ABHD3: variants seen among roughly 807,000 people sequenced by gnomAD.
The protein encoded by ABHD3 is abhydrolase domain containing 3, phospholipase.
Under a neutral mutation model 48.8 loss-of-function variants are expected in ABHD3, and 46 were observed. The observed-to-expected ratio is 0.94, with a 90% CI of 0.74 to 1.20. ABHD3 has a LOEUF of 1.20. Ranked by LOEUF, ABHD3 falls within the 50% of genes most tolerant of loss-of-function variation. The pLI is 0.00. For synonymous variants in ABHD3, 192 were observed against 183.7 expected (o/e 1.04, Z -0.36); for missense variants, 490 against 497.8 (o/e 0.98, Z 0.15).
chr18:21,693,446 C>T (rs2040297619), intron 3 of ABHD3, among the ~76,000 whole-genome samples: 1 of 152,144 alleles, frequency 6.6e-6, no homozygotes, highest in South Asian at 2.1e-4. Flanking sequence ...ACTTCACTGC[C>T]CAGCACTACC....
chr18:21,685,858 C>T (rs183678145), intron 3 of ABHD3, among the ~76,000 whole-genome samples: 54 of 152,280 alleles, frequency 3.5e-4, no homozygotes, highest in African/African-American at 1.1e-3. Flanking sequence ...CCACCACGCC[C>T]GGCTAATTTT....
intron 5 of ABHD3, chr18:21,663,625 T>A: frequency 1.3e-6 from 2 of 1,515,934 alleles, no homozygotes; most frequent in Non-Finnish European, 1.8e-6. Flanking sequence ...AGGAGAGCAC[T>A]CCACAGTAGT....
chr18:21,651,733 G>A lies in ABHD3; in HGVS notation c.1088C>T (p.Pro363Leu). The change falls in exon 9 of 9, where the codon CCT (proline) becomes CTT (leucine). Residue 363 changes from proline (P) to leucine (L), a missense_variant. Physicochemically the swap from Pro to Leu is moderately conservative, Grantham distance 98. Transcript: ENST00000289119. ...AGAAGTAAGGACCAAAGCAACATTAGGATTTTGCTTAGCAGTTTCTATTGG... is the reference window on the plus strand; with the variant it reads ...AGAAGTAAGGACCAAAGCAACATTAAGATTTTGCTTAGCAGTTTCTATTGG... ...AIPIETAKQN[P>L]NVALVLTSYG... The A allele has an allele frequency of 3.1e-6, 5 of 1,587,758 alleles. No individual in the cohort carries two copies. The highest frequency in any genetic ancestry group is 4.3e-6 in the Non-Finnish European group (5 of 1,166,078).
At chr18:21,675,218 C>T (rs1439260694) in intron 4 of ABHD3, among the ~76,000 whole-genome samples, 1 of 150,626 alleles carries the variant, frequency 6.6e-6, no homozygotes, top group African/African-American at 2.4e-5. Flanking sequence ...TTCTGATTGT[C>T]ACCCCACTTC....
chr18:21,680,021 T>C (rs1010742298), intron 4 of ABHD3, among the ~76,000 whole-genome samples: 5 of 151,706 alleles, frequency 3.3e-5, no homozygotes, highest in Non-Finnish European at 5.9e-5. Context: ...TATTTCTTTT[T>C]GTTTGTTTTT....
intron 4 of ABHD3, among the ~76,000 whole-genome samples, chr18:21,675,711 G>A (rs1234446435): frequency 2.0e-5 from 3 of 151,860 alleles, no homozygotes; most frequent in African/African-American, 4.8e-5. Flanking sequence ...TTGCGATGAG[G>A]GAAAAAAAGT....
intron 3 of ABHD3, among the ~76,000 whole-genome samples, chr18:21,688,910 A>C (rs1568158407): frequency 6.6e-6 from 1 of 152,248 alleles, no homozygotes; most frequent in Non-Finnish European, 1.5e-5. Context: ...ACGGACAGTA[A>C]CAATAGAAAA....
At chr18:21,692,705 C>T (rs927348137) in intron 3 of ABHD3, among the ~76,000 whole-genome samples, 3 of 152,172 alleles carry the variant, frequency 2.0e-5, no homozygotes, top group African/African-American at 7.2e-5. Flanking sequence ...TTATTGCAGT[C>T]GTTTCCCTTC....
intron 8 of ABHD3, among the ~76,000 whole-genome samples, chr18:21,653,671 G>GAGGCTAGGAGTTTGAGACTAGCCT (rs1291737746): frequency 2.7e-5 from 4 of 150,482 alleles, no homozygotes; most frequent in African/African-American, 9.8e-5. Flanking sequence ...GGGATCTCTT[G>GAGGCTAGGAGTTTGAGACTAGCCT]AGGCTAGGAG....
intron 4 of ABHD3, among the ~76,000 whole-genome samples, chr18:21,668,706 G>A (rs568815800): frequency 6.6e-6 from 1 of 152,178 alleles, no homozygotes; most frequent in South Asian, 2.1e-4. Context: ...TCATTATCTG[G>A]TACCCTCAGA....
intron 3 of ABHD3, chr18:21,702,000 C>T (rs1295836333): frequency 5.3e-6 from 1 of 189,364 alleles, no homozygotes; most frequent in Non-Finnish European, 1.1e-5. Flanking sequence ...GCTGTTCTCC[C>T]TCCATAACAC....
chr18:21,694,841 C>T (rs1346327000), intron 3 of ABHD3, among the ~76,000 whole-genome samples: 1 of 151,984 alleles, frequency 6.6e-6, no homozygotes, highest in Non-Finnish European at 1.5e-5. Context: ...TATGTGACAC[C>T]GCTGATCTAC....
In ABHD3 at chr18:21,651,762, A is replaced by C; in HGVS notation, c.1059T>G (p.Ala353=). ...TTTGCTTAGCAGTTTCTATTGGAAT[A>C]GCTTCAGACCAAAAAAAACATGGCA... is the stretch of plus-strand genomic sequence containing the variant. ...SVDDVFSPSH[A]IPIETAKQNP... Residue 353 remains alanine, a splice_region_variant and synonymous_variant, in exon 9 of 9, where the codon GCT becomes GCG. Transcript: ENST00000289119. 2 of 1,538,064 alleles carry C rather than the reference A, an allele frequency of 1.3e-6. No individual in the cohort carries two copies. The highest frequency in any genetic ancestry group is 1.8e-6 in the Non-Finnish European group (2 of 1,141,446).
intron 8 of ABHD3, among the ~76,000 whole-genome samples, chr18:21,656,399 T>A (rs1372190546): frequency 1.3e-5 from 2 of 152,198 alleles, no homozygotes; most frequent in Non-Finnish European, 2.9e-5. Flanking sequence ...TCTTTAAATA[T>A]GACCTTCTAG....
chr18:21,653,077 A>AAAAAAG (rs772523934), intron 8 of ABHD3, among the ~76,000 whole-genome samples: 4,836 of 76,136 alleles, frequency 0.064, 1,625 homozygotes, highest in African/African-American at 0.26. Context: ...AAAAAAAAAA[A>AAAAAAG]AAAGAGCTGG....
chr18:21,651,765 T>A lies in ABHD3; in HGVS notation c.1058-2A>T. 1 of 1,519,094 alleles carries A rather than the reference T, an allele frequency of 6.6e-7. No individual in the cohort carries two copies. The highest frequency in any genetic ancestry group is 2.3e-5 in the Admixed American group (1 of 44,132). 94.1% of individuals were successfully genotyped at this position (1,519,094 alleles called of 1,614,324 possible). On this transcript the variant is annotated splice_acceptor_variant, in intron 8 of 8. Transcript: ENST00000289119. LOFTEE classifies it high-confidence loss of function. ...GCTTAGCAGTTTCTATTGGAATAGC[T>A]TCAGACCAAAAAAAACATGGCAATA... is the stretch of plus-strand genomic sequence containing the variant.
intron 3 of ABHD3, among the ~76,000 whole-genome samples, chr18:21,693,644 A>G (rs2040303026): frequency 1.3e-5 from 2 of 152,220 alleles, no homozygotes; most frequent in African/African-American, 4.8e-5. Context: ...AGTCTCCACC[A>G]TAACTTTTTC....
chr18:21,703,462 CCT>C, intron 2 of ABHD3, 120 bp downstream of exon 2: 1 of 1,177,372 alleles, frequency 8.5e-7, no homozygotes, highest in South Asian at 2.0e-5. Context: ...ATTTTCATTC[CCT>C]CTTTCTGTTC....
chr18:21,663,881 C>G, intron 5 of ABHD3: 1 of 1,450,188 alleles, frequency 6.9e-7, no homozygotes, highest in South Asian at 1.4e-5. Flanking sequence ...GACAAACCTT[C>G]AGGCTCACAA....
Sources: allele counts gnomAD v4.1 joint callset (sites outside exome capture counted in the v4.1 genomes callset), GRCh38; gene constraint gnomAD v4.1.1; transcripts MANE v1.5; gene names NCBI Gene and HGNC (gene_info 2026-07-23, HGNC 2026-07-21).